DLG5: variants seen among roughly 807,000 people sequenced by gnomAD.
The protein encoded by DLG5 is disks large homolog 5.
In DLG5, 48 loss-of-function variants were observed where a neutral mutation model predicts 189.8. That is an observed-to-expected ratio of 0.25 (90% confidence interval 0.20 to 0.32). The LOEUF (loss-of-function observed/expected upper bound fraction) is 0.32, where lower values mean the gene tolerates loss of function less well. DLG5 is among the 10% of genes least tolerant of loss of function. The probability of loss-of-function intolerance (pLI) is 1.00; values close to 1 mark genes in which losing one functional copy is unlikely to be tolerated. For synonymous variants in DLG5, 1,016 were observed against 1,054.1 expected (o/e 0.96, Z 0.70); for missense variants, 2,160 against 2,544.7 (o/e 0.85, Z 3.25).
Position 77,812,336 on chromosome 10 carries a change from C to T in DLG5, c.4067G>A (p.Gly1356Asp), listed in dbSNP as rs768898483. 2 of 1,613,788 alleles carry T rather than the reference C, an allele frequency of 1.2e-6. No homozygotes were observed. The highest frequency in any genetic ancestry group is 1.7e-5 in the Admixed American group (1 of 60,000). ...EEPRHVKVQK[G>D]SEPLGISIVS... ...GATGGAGATGCCCAGCGGCTCTGAGCCCTTCTGCACCTTCACGTGGCGTGG... is the reference window on the plus strand; with the variant it reads ...GATGGAGATGCCCAGCGGCTCTGAGTCCTTCTGCACCTTCACGTGGCGTGG... The change falls in exon 21 of 32, where the codon GGC (glycine) becomes GAC (aspartate). Residue 1356 changes from glycine to aspartate, a missense_variant. This residue lies in a region of DLG5 where 754 missense variants were observed against 746.5 expected (regional missense o/e 1.01). Coordinates refer to ENST00000372391, the MANE Select transcript of DLG5 (RefSeq NM_004747.4).
intron 1 of DLG5, among the ~76,000 whole-genome samples, chr10:77,889,015 C>T (rs961377682): frequency 4.0e-5 from 6 of 150,032 alleles, no homozygotes; most frequent in Admixed American, 6.7e-5. Context: ...TCCCAGGCCT[C>T]ACAAGCCCAC....
chr10:77,854,898 A>C (rs1261206435), intron 3 of DLG5, among the ~76,000 whole-genome samples: 1 of 152,100 alleles, frequency 6.6e-6, no homozygotes, highest in Admixed American at 6.5e-5. Flanking sequence ...CTAACGTGGG[A>C]GGATCACTTG....
At chr10:77,832,987 C>T (rs1842951438) in intron 9 of DLG5, among the ~76,000 whole-genome samples, 1 of 152,084 alleles carries the variant, frequency 6.6e-6, no homozygotes, top group East Asian at 1.9e-4. Context: ...AGCTGTCACT[C>T]CCTTCTGACG....
At position 77,917,516 on chromosome 10, in the gene DLG5, C is replaced by T. The variant is rs560281598; in HGVS notation, c.304+8701G>A. ...CCAGCCTGAGCAACAGAGTGAGACT[C>T]CATCTCCAAAAAAAAAAAAAGAAGA... On this transcript the variant is annotated intron_variant, in intron 1 of 31. Transcript: ENST00000372391. Among the ~76,000 whole-genome samples, 296 of 126,286 alleles carry T rather than the reference C, an allele frequency of 2.3e-3. 1 individual carries two copies. The highest frequency in any genetic ancestry group is 0.01 in the African/African-American group (278 of 26,822). The allele number at this position is 126,286 out of a possible 152,430, so 82.8% of individuals were successfully genotyped here. A position where few individuals can be genotyped will look rare whatever the true frequency, so the allele number is the denominator to read the frequency against.
chr10:77,792,082 A>C lies in DLG5; in HGVS notation c.*358T>G, dbSNP rs1320619172. The stretch of plus-strand genomic sequence containing the variant: ...GGGCACCGGCAACATGGAGCCGTTC[A>C]AGTAAACATAAACCACCAAATACTT... On this transcript the variant is annotated 3_prime_UTR_variant, in exon 32 of 32. Transcript: ENST00000372391. The C allele has an allele frequency of 4.1e-6, 1 of 241,960 alleles. No homozygotes were observed. The highest frequency in any genetic ancestry group is 8.0e-6 in the Non-Finnish European group (1 of 125,094). 15.0% of individuals were successfully genotyped at this position (241,960 alleles called of 1,614,324 possible). A position where few individuals can be genotyped will look rare whatever the true frequency, so the allele number is the denominator to read the frequency against.
chr10:77,898,634 G>C (rs114226650), intron 1 of DLG5, among the ~76,000 whole-genome samples: 1 of 152,198 alleles, frequency 6.6e-6, no homozygotes, highest in Non-Finnish European at 1.5e-5. Flanking sequence ...AGCTCCTGAC[G>C]GCACACGAGT....
chr10:77,892,741 C>A (rs1167703534), intron 1 of DLG5, among the ~76,000 whole-genome samples: 2 of 152,188 alleles, frequency 1.3e-5, no homozygotes, highest in Admixed American at 6.5e-5. Flanking sequence ...AGGAGACACC[C>A]AATAAAGGAT....
chr10:77,795,638 G>T (rs1482815312), intron 29 of DLG5, among the ~76,000 whole-genome samples: 2 of 152,132 alleles, frequency 1.3e-5, no homozygotes, highest in Non-Finnish European at 2.9e-5. Flanking sequence ...CGAAGGCACC[G>T]AGAGTCATAG....
intron 29 of DLG5, among the ~76,000 whole-genome samples, chr10:77,795,215 C>T (rs1261669342): frequency 2.0e-5 from 3 of 152,222 alleles, no homozygotes; most frequent in African/African-American, 4.8e-5. Flanking sequence ...CTTCCTTTCC[C>T]GCCTTTGCCC....
Position 77,869,138 on chromosome 10 carries a change from T to C in DLG5, c.364A>G (p.Ser122Gly). 6.2e-7 allele frequency: 1 copy of C among 1,613,758 alleles called. No homozygotes were observed. The highest frequency in any genetic ancestry group is 8.5e-7 in the Non-Finnish European group (1 of 1,179,888). Residue 122 changes from serine (S) to glycine (G), a missense_variant, in exon 2 of 32, where the codon AGC becomes GGC. Around this residue, in one of 5 missense-constraint regions of DLG5, gnomAD observed 664 missense variants for 838.5 expected, o/e 0.79. Coordinates refer to ENST00000372391, the MANE Select transcript of DLG5 (RefSeq NM_004747.4). The part of the protein sequence containing the change: ...PSDSESSSSL[S>G]SVGTTGKAPS... Reference sequence around the variant, plus strand: ...AGACAGTGGTACTCACCCACACTGCTGAGGGAGCTGCTGCTTTCTGAGTCT... The same window carrying C: ...AGACAGTGGTACTCACCCACACTGCCGAGGGAGCTGCTGCTTTCTGAGTCT...
intron 30 of DLG5, 67 bp downstream of exon 30, chr10:77,794,782 C>A: frequency 7.7e-7 from 1 of 1,306,004 alleles, no homozygotes; most frequent in South Asian, 1.2e-5. Context: ...ACACCCTGCT[C>A]CCTACTTGGG....
At chr10:77,907,424 C>T (rs1411531610) in intron 1 of DLG5, among the ~76,000 whole-genome samples, 1 of 152,096 alleles carries the variant, frequency 6.6e-6, no homozygotes, top group Non-Finnish European at 1.5e-5. Flanking sequence ...ATAAAAAATA[C>T]AAAAAGTAGC....
chr10:77,919,785 A>G (rs1174495080), intron 1 of DLG5, among the ~76,000 whole-genome samples: 1 of 151,902 alleles, frequency 6.6e-6, no homozygotes, highest in East Asian at 1.9e-4. Flanking sequence ...TCAGACATCA[A>G]TGTCACACCA....
At chr10:77,920,118 C>T (rs998520758) in intron 1 of DLG5, among the ~76,000 whole-genome samples, 16 of 152,196 alleles carry the variant, frequency 1.1e-4, no homozygotes, top group African/African-American at 3.9e-4. Flanking sequence ...TCCCACAGAA[C>T]CCTCAGAAAC....
chr10:77,841,762 T>C, intron 7 of DLG5, 119 bp downstream of exon 7: 1 of 1,187,348 alleles, frequency 8.4e-7, no homozygotes, highest in South Asian at 1.5e-5. Flanking sequence ...AGGCCTCCAG[T>C]GAGAAGCCAT....
rs552103886 is a variant in DLG5 at position 77,817,520 on chromosome 10, G to T, written c.3784+257C>A. 7.2e-5 allele frequency among the ~76,000 whole-genome samples: 11 copies of T among 152,320 alleles called. No homozygotes were observed. In the East Asian group the frequency reaches 2.1e-3, roughly 29 times the overall value. ...AACAACCTCAGGGACACAGAGCAAGGCTCCTAGCTGAGGGGTCACCTGAAT... is the reference window on the plus strand; with the variant it reads ...AACAACCTCAGGGACACAGAGCAAGTCTCCTAGCTGAGGGGTCACCTGAAT... On this transcript the variant is annotated intron_variant, in intron 18 of 31. Coordinates refer to ENST00000372391, the MANE Select transcript of DLG5 (RefSeq NM_004747.4).
chr10:77,855,660 A>G (rs1176276957), intron 3 of DLG5, among the ~76,000 whole-genome samples: 1 of 152,124 alleles, frequency 6.6e-6, no homozygotes, highest in Non-Finnish European at 1.5e-5. Flanking sequence ...CCACGTCTTC[A>G]CTCATCCTGC....
In DLG5 at chr10:77,926,411, C is replaced by G; in HGVS notation, c.110G>C (p.Ser37Thr). 6.3e-7 allele frequency: 1 copy of G among 1,584,122 alleles called. No individual in the cohort carries two copies. The highest frequency in any genetic ancestry group is 8.6e-7 in the Non-Finnish European group (1 of 1,167,564). The change falls in exon 1 of 32, where the codon AGT becomes ACT. Residue 37 changes from serine to threonine, a missense_variant. By Grantham distance (58) the Ser-to-Thr change is moderately conservative. This residue lies in a region of DLG5 where 664 missense variants were observed against 838.5 expected (regional missense o/e 0.79). Transcript: ENST00000372391. The surrounding 1 kb of genome is among the most constrained non-coding windows in gnomAD (Gnocchi z 5.2). ...LGLLEAAGAL[S>T]PGERRQLDEE... ...GTCCAGCTGCCGCCGCTCGCCGGGA[C>G]TGAGCGCTCCCGCGGCCTCGAGCAG...
intron 19 of DLG5, 28 bp from the exon 20 acceptor site, chr10:77,816,729 G>A: frequency 1.3e-6 from 2 of 1,578,746 alleles, no homozygotes; most frequent in Middle Eastern, 1.7e-4. Context: ...TAATGCCGGT[G>A]TGAACTCCCA....
Sources: gnomAD v4.1 joint callset for allele counts (sites outside exome capture counted in the v4.1 genomes callset) on GRCh38, gnomAD v4.1.1 for gene constraint, gnomAD v4.1.1 regional missense constraint, Gnocchi (gnomAD v3.1) non-coding constraint, MANE v1.5 for transcripts, NCBI Gene and HGNC (gene_info 2026-07-23, HGNC 2026-07-21) for gene names.